SIPA1L2: variants seen among roughly 807,000 people sequenced by gnomAD.
SIPA1L2 encodes signal induced proliferation associated 1 like 2, also known as signal-induced proliferation-associated 1-like protein 2.
In SIPA1L2, 56 loss-of-function variants were observed where a neutral mutation model predicts 163.9. That is an observed-to-expected ratio of 0.34 (90% CI 0.28 to 0.43). SIPA1L2 has a LOEUF of 0.43. Ranked by LOEUF, SIPA1L2 falls within the 20% of genes least tolerant of loss-of-function variation. The pLI is 1.00. For missense variants in SIPA1L2, 1,974 were observed against 2,193.5 expected, an observed-to-expected ratio of 0.90 and a Z score of 2.00; for synonymous variants, 877 against 865.7, an observed-to-expected ratio of 1.01 and a Z score of -0.23.
At chr1:232,408,960 T>G (rs1421908604) in intron 19 of SIPA1L2, among the ~76,000 whole-genome samples, 2 of 152,202 alleles carry the variant, frequency 1.3e-5, no homozygotes, top group Admixed American at 1.3e-4. Context: ...ATCTTACTTT[T>G]ACTTTTTCTA....
chr1:232,472,455 T>A (rs1286995217), intron 7 of SIPA1L2, among the ~76,000 whole-genome samples: 2 of 152,228 alleles, frequency 1.3e-5, no homozygotes, highest in Non-Finnish European at 2.9e-5. Context: ...TACACATTTG[T>A]TTAACAAATA....
chr1:232,447,339 G>A (rs1663276814), intron 10 of SIPA1L2, among the ~76,000 whole-genome samples: 1 of 152,208 alleles, frequency 6.6e-6, no homozygotes, highest in Non-Finnish European at 1.5e-5. Flanking sequence ...TCTGCATGTT[G>A]TCTATCTACC....
At chr1:232,581,518 A>C (rs1660372544) in intron 1 of SIPA1L2, among the ~76,000 whole-genome samples, 1 of 152,166 alleles carries the variant, frequency 6.6e-6, no homozygotes, top group South Asian at 2.1e-4. Context: ...CAATGCCTGT[A>C]GTATGCCACC....
chr1:232,604,799 G>T (rs897931509), intron 1 of SIPA1L2, among the ~76,000 whole-genome samples: 7 of 151,970 alleles, frequency 4.6e-5, no homozygotes, highest in Admixed American at 3.9e-4. Context: ...AATGTGTGTG[G>T]CACATAACCC....
At position 232,462,557 on chromosome 1, in the gene SIPA1L2, C is replaced by G. The variant is rs983534403; in HGVS notation, c.2821-1396G>C. 25 of 367,814 alleles carry G rather than the reference C, an allele frequency of 6.8e-5. 1 individual carries two copies. The South Asian group carries it at 1.1e-3, about 17-fold the overall frequency. 22.8% of individuals were successfully genotyped at this position (367,814 alleles called of 1,614,324 possible). ...GACTCAGCAAAATGCGGAAAGGGGA[C>G]TGCTGGTTTTAGTTAGTGATGATGT... On this transcript the variant is annotated intron_variant, in intron 9 of 22. Transcript: ENST00000674635.
chr1:232,555,042 T>C (rs1321958494), intron 2 of SIPA1L2, among the ~76,000 whole-genome samples: 3 of 152,200 alleles, frequency 2.0e-5, no homozygotes, highest in Non-Finnish European at 4.4e-5. Context: ...TTATTCAATT[T>C]TGGCAGATGC....
intron 15 of SIPA1L2, among the ~76,000 whole-genome samples, chr1:232,433,332 G>T (rs1298620086): frequency 6.6e-6 from 1 of 152,142 alleles, no homozygotes; most frequent in Non-Finnish European, 1.5e-5. Context: ...TTCATAAACA[G>T]GTAAAAGTAA....
At chr1:232,609,188 T>C (rs1346709510) in intron 1 of SIPA1L2, among the ~76,000 whole-genome samples, 1 of 152,180 alleles carries the variant, frequency 6.6e-6, no homozygotes, top group Non-Finnish European at 1.5e-5. Flanking sequence ...AGTGATGTTT[T>C]ATAGTTAGTT....
In SIPA1L2 at chr1:232,515,471, C is replaced by G. The variant is rs1667180701; in HGVS notation, c.-132G>C. 6 of 944,202 alleles carry G rather than the reference C, an allele frequency of 6.4e-6. No individual in the cohort carries two copies. The highest frequency in any genetic ancestry group is 1.5e-6 in the Non-Finnish European group (1 of 663,188). The allele number at this position is 944,202 out of a possible 1,614,324, so 58.5% of individuals were successfully genotyped here. A position where few individuals can be genotyped will look rare whatever the true frequency, so the allele number is the denominator to read the frequency against. ...TAGTTGTATTTTTTCTTTTCTTAGC[C>G]CAAAGCAAACAACATCCTCAGAATA... On this transcript the variant is annotated 5_prime_UTR_variant, in exon 3 of 23. Coordinates refer to ENST00000674635, the MANE Select transcript of SIPA1L2 (RefSeq NM_020808.5).
At chr1:232,550,997 G>C (rs789665) in intron 2 of SIPA1L2, among the ~76,000 whole-genome samples, 80,477 of 151,868 alleles carry the variant, frequency 0.53, 22,061 homozygotes, top group East Asian at 0.76. Context: ...CAACCAGGAG[G>C]GAAAACAGCA....
At position 232,514,011 on chromosome 1, in the gene SIPA1L2, T is replaced by C; in HGVS notation, c.1329A>G (p.Glu443=). The C allele has an allele frequency of 1.2e-6, 2 of 1,614,194 alleles. No individual in the cohort carries two copies. Among genetic ancestry groups the C allele is most frequent in the Non-Finnish European group, 1.7e-6 (2 of 1,180,036 alleles). The part of the protein sequence containing the change: ...SFSSGESCSF[E]SSLSSHCTNA... Reference sequence around the variant, plus strand: ...TTGTGCAGTGAGAGCTGAGTGACGATTCGAAAGAGCAGCTTTCCCCAGAAC... The same window carrying C: ...TTGTGCAGTGAGAGCTGAGTGACGACTCGAAAGAGCAGCTTTCCCCAGAAC... Residue 443 remains glutamate, a synonymous_variant, in exon 3 of 23, where the codon GAA becomes GAG. Transcript: ENST00000674635.
intron 2 of SIPA1L2, among the ~76,000 whole-genome samples, chr1:232,535,843 C>T (rs1183153176): frequency 2.6e-5 from 4 of 152,140 alleles, no homozygotes; most frequent in African/African-American, 9.7e-5. Context: ...TTTTATTAGG[C>T]CTACTGATTT....
chr1:232,510,936 C>A (rs924998644), intron 3 of SIPA1L2, among the ~76,000 whole-genome samples: 4 of 152,136 alleles, frequency 2.6e-5, no homozygotes, highest in Non-Finnish European at 5.9e-5. Context: ...TTACAAAACT[C>A]AGCTAGCCAG....
Position 232,432,444 on chromosome 1 carries a change from T to C in SIPA1L2, c.4059A>G (p.Ser1353=), listed in dbSNP as rs764655082. The C allele has an allele frequency of 4.3e-6, 7 of 1,614,230 alleles. No homozygotes were observed. The highest frequency in any genetic ancestry group is 4.5e-5 in the East Asian group (2 of 44,886). ...ACCCACTACTTTTTGAACAGTGAGC[T>C]GAAGGGCTTCCTGAATGGTGAGAAC... The part of the protein sequence containing the change: ...SSGSHHSGSP[S]AHCSKSSGSL... The change falls in exon 16 of 23, where the codon TCA becomes TCG. Residue 1353 remains serine, a synonymous_variant. Coordinates refer to ENST00000674635, the MANE Select transcript of SIPA1L2 (RefSeq NM_020808.5).
intron 3 of SIPA1L2, among the ~76,000 whole-genome samples, chr1:232,505,273 A>G (rs770172630): frequency 1.8e-4 from 28 of 152,232 alleles, no homozygotes; most frequent in Non-Finnish European, 3.7e-4. Flanking sequence ...AAGTGGGACA[A>G]ATAGTGAAAT....
intron 2 of SIPA1L2, among the ~76,000 whole-genome samples, chr1:232,516,631 T>A (rs1228257071): frequency 7.6e-6 from 1 of 130,916 alleles, no homozygotes; most frequent in Non-Finnish European, 1.5e-5. Context: ...CATCCCTAAA[T>A]TTTTTTTTTT....
chr1:232,501,025 T>C (rs1304835623), intron 3 of SIPA1L2, among the ~76,000 whole-genome samples: 2 of 150,884 alleles, frequency 1.3e-5, no homozygotes, highest in African/African-American at 4.9e-5. Flanking sequence ...GCTCGGTGAT[T>C]GTTAGCACTT....
intron 1 of SIPA1L2, among the ~76,000 whole-genome samples, chr1:232,582,760 TCCC>T (rs1402629159): frequency 6.6e-6 from 1 of 152,146 alleles, no homozygotes; most frequent in African/African-American, 2.4e-5. Flanking sequence ...TAATCTGCAT[TCCC>T]CCCAACAGTG....
chr1:232,611,452 G>A lies in SIPA1L2; in HGVS notation c.-319+18417C>T, dbSNP rs564684584. 5.9e-5 allele frequency among the ~76,000 whole-genome samples: 9 copies of A among 152,250 alleles called. No individual in the cohort carries two copies. In the South Asian group the frequency reaches 1.5e-3, roughly 25 times the overall value. ...AAAGTTTGGAACTTGCCTGAGACTC[G>A]TTGAATGGCTTTGACCAAAAGCCTG... On this transcript the variant is annotated intron_variant, in intron 1 of 22. Transcript: ENST00000674635.
Sources: allele counts gnomAD v4.1 joint callset (sites outside exome capture counted in the v4.1 genomes callset), GRCh38; gene constraint gnomAD v4.1.1; transcripts MANE v1.5; gene names NCBI Gene and HGNC (gene_info 2026-07-23, HGNC 2026-07-21).